The following SUGCT variants were observed in gnomAD, a reference collection of about 807,000 sequenced individuals.
SUGCT encodes succinyl-CoA:glutarate-CoA transferase, also known as succinyl-CoA:glutarate CoA-transferase.
In SUGCT, 41 loss-of-function variants were observed where a neutral mutation model predicts 55.0. The observed-to-expected ratio is 0.74, with a 90% confidence interval of 0.58 to 0.97. SUGCT has a LOEUF of 0.97. Ranked by LOEUF, SUGCT falls within the 50% of genes least tolerant of loss-of-function variation. SUGCT has a pLI of 0.00. For missense variants in SUGCT, 568 were observed against 547.8 expected, an observed-to-expected ratio of 1.04 and a Z score of -0.37; for synonymous variants, 187 against 200.4, an observed-to-expected ratio of 0.93 and a Z score of 0.56.
chr7:40,222,668 T>C (rs1337152437), intron 6 of SUGCT, among the ~76,000 whole-genome samples: 1 of 152,114 alleles, frequency 6.6e-6, no homozygotes, highest in Non-Finnish European at 1.5e-5. Flanking sequence ...ATGGCGAAAC[T>C]CTATCTTTAC....
At chr7:40,832,341 A>G (rs529841007) in intron 13 of SUGCT, among the ~76,000 whole-genome samples, 41 of 152,304 alleles carry the variant, frequency 2.7e-4, no homozygotes, top group African/African-American at 9.6e-4. Flanking sequence ...CATTGTGAGT[A>G]TCATCTAATA....
intron 13 of SUGCT, among the ~76,000 whole-genome samples, chr7:40,763,910 A>G (rs1161128335): frequency 6.6e-6 from 1 of 152,132 alleles, no homozygotes; most frequent in South Asian, 2.1e-4. Context: ...AATGGGGCCA[A>G]TTAGAAAGGA....
At chr7:40,777,082 T>C (rs917686363) in intron 13 of SUGCT, among the ~76,000 whole-genome samples, 1 of 152,188 alleles carries the variant, frequency 6.6e-6, no homozygotes, top group African/African-American at 2.4e-5. Context: ...AGTTTTGAAC[T>C]CAAAATCCTA....
intron 12 of SUGCT, among the ~76,000 whole-genome samples, chr7:40,723,067 A>G (rs189705249): frequency 4.6e-5 from 7 of 152,232 alleles, no homozygotes; most frequent in African/African-American, 1.7e-4. Context: ...TGAAACTTCT[A>G]CTTAACTAAA....
intron 9 of SUGCT, among the ~76,000 whole-genome samples, chr7:40,428,752 G>T (rs1020075968): frequency 5.3e-5 from 8 of 151,982 alleles, no homozygotes; most frequent in African/African-American, 9.7e-5. Flanking sequence ...TTCTTTACCA[G>T]CATTAAAAGG....
chr7:40,769,773 G>T (rs889496068), intron 13 of SUGCT, among the ~76,000 whole-genome samples: 1 of 152,172 alleles, frequency 6.6e-6, no homozygotes, highest in African/African-American at 2.4e-5. Flanking sequence ...GTGACGATTT[G>T]TAACAATGGC....
intron 6 of SUGCT, among the ~76,000 whole-genome samples, chr7:40,225,168 A>C (rs529580992): frequency 1.3e-5 from 2 of 152,248 alleles, no homozygotes; most frequent in Non-Finnish European, 2.9e-5. Context: ...TTCTGTAATA[A>C]AGACAGATAC....
intron 6 of SUGCT, among the ~76,000 whole-genome samples, chr7:40,207,069 C>T (rs748245573): frequency 6.6e-6 from 1 of 151,938 alleles, no homozygotes; most frequent in African/African-American, 2.4e-5. Context: ...TGTGGTGGTG[C>T]GCACCTGTGG....
chr7:40,444,313 C>T (rs181390053), intron 9 of SUGCT, among the ~76,000 whole-genome samples: 3 of 152,248 alleles, frequency 2.0e-5, no homozygotes, highest in East Asian at 1.9e-4. Flanking sequence ...TTACCTTGGG[C>T]AGTATGGCCA....
At chr7:40,401,712 A>G (rs924741510) in intron 9 of SUGCT, among the ~76,000 whole-genome samples, 1 of 152,242 alleles carries the variant, frequency 6.6e-6, no homozygotes, top group Non-Finnish European at 1.5e-5. Context: ...TTAATAATCT[A>G]AAATAGGAAA....
chr7:40,178,446 T>G (rs1375418481), intron 1 of SUGCT, among the ~76,000 whole-genome samples: 1 of 152,202 alleles, frequency 6.6e-6, no homozygotes, highest in African/African-American at 2.4e-5. Context: ...TTTGAAAACC[T>G]GTGTGACTAA....
Position 40,180,922 on chromosome 7 carries a change from T to G in SUGCT, c.101-25T>G, listed in dbSNP as rs368613630. 8 of 1,555,612 alleles carry G rather than the reference T, an allele frequency of 5.1e-6. No homozygotes were observed. In the African/African-American group the frequency reaches 1.1e-4, roughly 21 times the overall value. ...TAAGAAAATTACTAATGAATTATCT[T>G]GAAATGTTTTCTCTGTTTTGCCAGA... On this transcript the variant is annotated intron_variant, in intron 1 of 13. Transcript: ENST00000335693.
chr7:40,870,685 G>A, the SUGCT span, among the ~76,000 whole-genome samples: 1 of 152,004 alleles, frequency 6.6e-6, no homozygotes, highest in Non-Finnish European at 1.5e-5. Flanking sequence ...TGTGATTCTT[G>A]CCTTAAACAA....
At chr7:40,467,755 T>A (rs546626033) in intron 11 of SUGCT, among the ~76,000 whole-genome samples, 5 of 152,270 alleles carry the variant, frequency 3.3e-5, no homozygotes, top group South Asian at 2.1e-4. Context: ...CAATCAGACA[T>A]CCTAATAAGG....
chr7:40,692,860 G>A (rs1489528601), intron 12 of SUGCT, among the ~76,000 whole-genome samples: 1 of 152,156 alleles, frequency 6.6e-6, no homozygotes, highest in Non-Finnish European at 1.5e-5. Context: ...ACACATTCTT[G>A]AGAATTGGTT....
intron 12 of SUGCT, among the ~76,000 whole-genome samples, chr7:40,642,513 C>G (rs569749858): frequency 6.6e-6 from 1 of 152,250 alleles, no homozygotes; most frequent in South Asian, 2.1e-4. Context: ...CTGTGACATG[C>G]TCAGTCCACA....
chr7:40,949,580 T>C, the SUGCT span, among the ~76,000 whole-genome samples: 2 of 152,172 alleles, frequency 1.3e-5, no homozygotes, highest in Non-Finnish European at 2.9e-5. Flanking sequence ...AGGGTTTTTA[T>C]GTTTTAGGTC....
the SUGCT span, among the ~76,000 whole-genome samples, chr7:40,912,122 CT>C: frequency 6.6e-6 from 1 of 151,170 alleles, no homozygotes. Flanking sequence ...TGACAGCTTG[CT>C]TTTTTTTTCT....
chr7:40,501,987 G>C (rs1008575922), intron 12 of SUGCT, among the ~76,000 whole-genome samples: 4 of 152,040 alleles, frequency 2.6e-5, no homozygotes, highest in Admixed American at 2.0e-4. Context: ...GTTGTAATTA[G>C]TTTATTCTAT....
Sources: gnomAD v4.1 joint callset for allele counts (sites outside exome capture counted in the v4.1 genomes callset) on GRCh38, gnomAD v4.1.1 for gene constraint, MANE v1.5 for transcripts, NCBI Gene and HGNC (gene_info 2026-07-23, HGNC 2026-07-21) for gene names.